CELF2: variants seen among roughly 807,000 people sequenced by gnomAD.
CELF2 encodes CUG triplet repeat RNA-binding protein 2.
A neutral mutation model predicts 62.6 loss-of-function variants in CELF2; 8 were observed. That is an observed-to-expected ratio of 0.13 (90% CI 0.07 to 0.23). The LOEUF is 0.23. Among genes scored for constraint, CELF2 ranks in the 10% least tolerant of loss-of-function variants. CELF2 has a pLI of 1.00. For missense variants in CELF2, 333 were observed against 671.0 expected, an observed-to-expected ratio of 0.50 and a Z score of 5.56; for synonymous variants, 258 against 250.0, an observed-to-expected ratio of 1.03 and a Z score of -0.30.
the CELF2 span, among the ~76,000 whole-genome samples, chr10:10,567,316 T>C: frequency 6.6e-6 from 1 of 152,110 alleles, no homozygotes; most frequent in Non-Finnish European, 1.5e-5. Flanking sequence ...CAAGTAGAGG[T>C]AGTTTGAATC....
the CELF2 span, among the ~76,000 whole-genome samples, chr10:10,477,877 C>T: frequency 2.6e-4 from 39 of 151,888 alleles, no homozygotes; most frequent in African/African-American, 8.9e-4. Flanking sequence ...GGAATCTTTT[C>T]ATTCCTGATG....
intron 2 of CELF2, among the ~76,000 whole-genome samples, chr10:10,977,863 T>A (rs1355055626): frequency 6.6e-6 from 1 of 152,178 alleles, no homozygotes; most frequent in African/African-American, 2.4e-5. Context: ...AAAAGGGGCA[T>A]CTTGATTGTC....
chr10:11,197,554 C>T (rs974626883), intron 2 of CELF2, among the ~76,000 whole-genome samples: 1 of 152,252 alleles, frequency 6.6e-6, no homozygotes, highest in Non-Finnish European at 1.5e-5. Context: ...ACAGCAGCAG[C>T]ATTTATGGGC....
At chr10:11,042,256 C>T (rs1478106650) in intron 1 of CELF2, among the ~76,000 whole-genome samples, 106 of 152,174 alleles carry the variant, frequency 7.0e-4, no homozygotes, top group Non-Finnish European at 1.5e-5. Flanking sequence ...TAAAGCCTGG[C>T]AGCACTGTTT....
chr10:11,213,586 G>C (rs1263896479), intron 2 of CELF2, among the ~76,000 whole-genome samples: 4 of 152,206 alleles, frequency 2.6e-5, no homozygotes, highest in Non-Finnish European at 4.4e-5. Flanking sequence ...GTCTGCAGGT[G>C]GGTAATCTAA....
chr10:10,842,109 A>G (rs910774482), intron 1 of CELF2, among the ~76,000 whole-genome samples: 5 of 152,042 alleles, frequency 3.3e-5, no homozygotes, highest in Non-Finnish European at 7.4e-5. Flanking sequence ...TCATTGCTGT[A>G]TATGGTGAAA....
intron 1 of CELF2, among the ~76,000 whole-genome samples, chr10:11,113,289 G>C (rs1229639283): frequency 1.3e-5 from 2 of 152,232 alleles, no homozygotes; most frequent in East Asian, 3.9e-4. Context: ...GGCATTTTTA[G>C]GTGTTTTAAA....
intron 2 of CELF2, among the ~76,000 whole-genome samples, chr10:11,167,093 T>A (rs949185400): frequency 6.6e-6 from 1 of 152,246 alleles, no homozygotes; most frequent in Non-Finnish European, 1.5e-5. Flanking sequence ...CGTAGAAAGA[T>A]CAGATAACTG....
chr10:10,919,633 A>G (rs762354104), intron 1 of CELF2, among the ~76,000 whole-genome samples: 68 of 152,200 alleles, frequency 4.5e-4, no homozygotes, highest in South Asian at 1.4e-3. Context: ...AATGTCTACA[A>G]GGTGGTTTGG....
chr10:10,544,327 G>A, the CELF2 span, among the ~76,000 whole-genome samples: 2 of 152,190 alleles, frequency 1.3e-5, no homozygotes, highest in Non-Finnish European at 1.5e-5. Context: ...CAGCAGAGCC[G>A]CTAGATTGGA....
At chr10:10,499,680 C>T in the CELF2 span, among the ~76,000 whole-genome samples, 2 of 152,144 alleles carry the variant, frequency 1.3e-5, no homozygotes, top group African/African-American at 4.8e-5. Flanking sequence ...GAGTTCGAGA[C>T]CAGCCTGGTC....
At chr10:10,819,371 G>A (rs1263637936) in intron 1 of CELF2, among the ~76,000 whole-genome samples, 2 of 152,194 alleles carry the variant, frequency 1.3e-5, no homozygotes, top group Non-Finnish European at 2.9e-5. Flanking sequence ...AGGAAGTGCT[G>A]AAATCAGCCT....
the CELF2 span, among the ~76,000 whole-genome samples, chr10:10,658,745 C>T: frequency 6.6e-6 from 1 of 151,936 alleles, no homozygotes; most frequent in Non-Finnish European, 1.5e-5. Flanking sequence ...GCTCTTGTCT[C>T]TTCCTTTTTG....
At chr10:11,248,050 G>A (rs2076142932) in intron 3 of CELF2, among the ~76,000 whole-genome samples, 1 of 152,212 alleles carries the variant, frequency 6.6e-6, no homozygotes, top group Admixed American at 6.5e-5. Context: ...ACCCAGAGCT[G>A]TGGCTTGCAA....
intron 3 of CELF2, among the ~76,000 whole-genome samples, chr10:11,240,160 A>G (rs1031653003): frequency 6.6e-6 from 1 of 152,262 alleles, no homozygotes; most frequent in Non-Finnish European, 1.5e-5. Context: ...TTCTGCCTCC[A>G]TCATGGAATT....
the CELF2 span, among the ~76,000 whole-genome samples, chr10:10,690,788 G>A: frequency 2.6e-5 from 4 of 152,184 alleles, no homozygotes; most frequent in Non-Finnish European, 5.9e-5. Context: ...GCTGAGGCAT[G>A]AGAATCACTT....
chr10:11,175,578 C>G, intron 2 of CELF2, among the ~76,000 whole-genome samples: 1 of 152,140 alleles, frequency 6.6e-6, no homozygotes, highest in Non-Finnish European at 1.5e-5. Flanking sequence ...GAGCATGTTA[C>G]AAAAGTTAAG....
At chr10:11,175,418 C>T (rs546349270) in intron 2 of CELF2, among the ~76,000 whole-genome samples, 8 of 152,284 alleles carry the variant, frequency 5.3e-5, no homozygotes, top group Middle Eastern at 3.4e-3. Flanking sequence ...GTTTTGAAGA[C>T]GCTAAAGTGC....
In CELF2 at chr10:11,300,107, T is replaced by C. The variant is rs1250819238; in HGVS notation, c.976+11555T>C. ...CCGGGTAGGGAGGCACCCTGGTTTA[T>C]TGACAACCCATGAAGTAGATTTCTT... On this transcript the variant is annotated intron_variant, in intron 9 of 12. Coordinates refer to ENST00000633077, the MANE Select transcript of CELF2 (RefSeq NM_001326342.2). This position sits in a 1 kb window ranked among gnomAD's most constrained non-coding sequence, Gnocchi z 5.5. Among the ~76,000 whole-genome samples, 1 of 152,148 alleles carries C rather than the reference T, an allele frequency of 6.6e-6. No homozygotes were observed. The highest frequency in any genetic ancestry group is 1.5e-5 in the Non-Finnish European group (1 of 68,026).
Sources: gnomAD v4.1 joint callset for allele counts (sites outside exome capture counted in the v4.1 genomes callset) on GRCh38, gnomAD v4.1.1 for gene constraint, Gnocchi (gnomAD v3.1) non-coding constraint, MANE v1.5 for transcripts, NCBI Gene and HGNC (gene_info 2026-07-23, HGNC 2026-07-21) for gene names.